CSMD1: variants seen among roughly 807,000 people sequenced by gnomAD.
CSMD1 encodes the protein CUB and sushi domain-containing protein 1.
In CSMD1, 213 loss-of-function variants were observed where a neutral mutation model predicts 417.5. That is an observed-to-expected ratio of 0.51 (90% CI 0.46 to 0.57). The LOEUF is 0.57. Among genes scored for constraint, CSMD1 ranks in the 20% least tolerant of loss-of-function variants. CSMD1 has a pLI of 0.00. For synonymous variants in CSMD1, 2,862 were observed against 1,736.8 expected (o/e 1.65, Z -16.11); for missense variants, 6,923 against 4,529.7 (o/e 1.53, Z -15.17).
intron 26 of CSMD1, among the ~76,000 whole-genome samples, chr8:3,270,590 C>A (rs978300079): frequency 6.6e-6 from 1 of 152,088 alleles, no homozygotes; most frequent in Non-Finnish European, 1.5e-5. Flanking sequence ...CTTAACAGGT[C>A]GACACAGATG....
intron 66 of CSMD1, 47 bp from the exon 67 acceptor site, chr8:2,950,390 A>T: frequency 8.8e-7 from 1 of 1,135,754 alleles, no homozygotes; most frequent in East Asian, 2.3e-5. Context: ...AAAGTTAGTA[A>T]TTCAGCCCTT....
intron 3 of CSMD1, among the ~76,000 whole-genome samples, chr8:4,233,125 C>G (rs1009628192): frequency 6.6e-5 from 10 of 152,158 alleles, no homozygotes; most frequent in African/African-American, 2.2e-4. Context: ...ATCACTTATC[C>G]ACAACGTTCC....
intron 2 of CSMD1, among the ~76,000 whole-genome samples, chr8:4,471,282 A>C (rs1800515015): frequency 6.6e-6 from 1 of 152,216 alleles, no homozygotes; most frequent in Non-Finnish European, 1.5e-5. Flanking sequence ...AATAAATTTC[A>C]CAACAAAGTC....
chr8:3,537,261 CCAAAGTGCTGGG>C (rs1798242368), intron 10 of CSMD1, among the ~76,000 whole-genome samples: 1 of 152,188 alleles, frequency 6.6e-6, no homozygotes, highest in Non-Finnish European at 1.5e-5. Flanking sequence ...CCTTGGCCTC[CCAAAGTGCTGGG>C]ATTACAGGCA....
chr8:3,925,483 G>C lies in CSMD1; in HGVS notation c.818+72420C>G, dbSNP rs987490467. ...CAAAAGATAACGTTCATAATGCTGG[G>C]TGGTAAGACACTGATGCGGTTTGGC... On this transcript the variant is annotated intron_variant, in intron 5 of 69. Transcript: ENST00000635120. Among the ~76,000 whole-genome samples, 31 of 152,298 alleles carry C rather than the reference G, an allele frequency of 2.0e-4. 1 individual carries two copies. The highest frequency in any genetic ancestry group is 3.9e-4 in the East Asian group (2 of 5,188).
At chr8:3,771,637 T>G (rs1020101665) in intron 5 of CSMD1, among the ~76,000 whole-genome samples, 5 of 152,026 alleles carry the variant, frequency 3.3e-5, no homozygotes, top group African/African-American at 9.7e-5. Context: ...CAGAAGCCAG[T>G]GCTGAATCAC....
chr8:3,411,637 C>A lies in CSMD1; in HGVS notation c.1562-2032G>T, dbSNP rs111583197. ...ATGCCATTAATTCATTCCTTATTAT[C>A]GTTCAGTAGTAGTCCATCATATATA... is the stretch of plus-strand genomic sequence containing the variant. On this transcript the variant is annotated intron_variant, in intron 12 of 69. Coordinates refer to ENST00000635120, the MANE Select transcript of CSMD1 (RefSeq NM_033225.6). 2.9e-3 allele frequency among the ~76,000 whole-genome samples: 385 copies of A among 133,076 alleles called. 13 individuals are homozygous for A. The highest frequency in any genetic ancestry group is 0.01 in the African/African-American group (364 of 35,860). 87.3% of individuals were successfully genotyped at this position (133,076 alleles called of 152,430 possible). A position where few individuals can be genotyped will look rare whatever the true frequency, so the allele number is the denominator to read the frequency against.
chr8:3,070,836 A>G (rs1462135265), intron 49 of CSMD1, among the ~76,000 whole-genome samples: 4 of 152,154 alleles, frequency 2.6e-5, no homozygotes, highest in African/African-American at 4.8e-5. Context: ...ACTCCTTGGT[A>G]CCAATTTTCT....
intron 1 of CSMD1, among the ~76,000 whole-genome samples, chr8:4,808,062 C>G (rs1798690317): frequency 6.6e-6 from 1 of 152,114 alleles, no homozygotes. Context: ...GTAAATAATA[C>G]TCGTGTGGGC....
At chr8:3,762,769 A>C (rs1798082392) in intron 5 of CSMD1, among the ~76,000 whole-genome samples, 2 of 152,134 alleles carry the variant, frequency 1.3e-5, no homozygotes, top group South Asian at 4.1e-4. Flanking sequence ...CCAGAGAGAG[A>C]AAGAGTTAAG....
At chr8:3,809,223 T>C (rs1800923685) in intron 5 of CSMD1, among the ~76,000 whole-genome samples, 1 of 152,108 alleles carries the variant, frequency 6.6e-6, no homozygotes, top group Admixed American at 6.6e-5. Flanking sequence ...TCCAGTTAAG[T>C]TTCACTTCAT....
At chr8:4,389,771 T>G (rs1009205702) in intron 3 of CSMD1, among the ~76,000 whole-genome samples, 68 of 152,298 alleles carry the variant, frequency 4.5e-4, no homozygotes, top group African/African-American at 1.6e-3. Context: ...CTTCTTTATT[T>G]TTGAAACCTA....
chr8:4,255,653 G>A (rs1209819480), intron 3 of CSMD1, among the ~76,000 whole-genome samples: 1 of 152,094 alleles, frequency 6.6e-6, no homozygotes, highest in Non-Finnish European at 1.5e-5. Context: ...ATTTATTTTG[G>A]ACTTTGCTAA....
intron 3 of CSMD1, among the ~76,000 whole-genome samples, chr8:4,394,310 G>C (rs185835723): frequency 6.6e-6 from 1 of 152,080 alleles, no homozygotes; most frequent in Non-Finnish European, 1.5e-5. Flanking sequence ...ACCCTCCTAT[G>C]TTTCAATAAT....
chr8:3,655,136 A>C lies in CSMD1; in HGVS notation c.1010-38339T>G, dbSNP rs145760370. ...CACATTAATTTTCCAAGCTTTAGCT[A>C]TAGAGCTAAATCTCTTGCTTTTGAC... On this transcript the variant is annotated intron_variant, in intron 7 of 69. Transcript: ENST00000635120. Among the ~76,000 whole-genome samples the C allele has an allele frequency of 4.1e-3, 628 of 152,340 alleles. 1 individual carries two copies. Among genetic ancestry groups the C allele is most frequent in the Non-Finnish European group, 6.5e-3 (441 of 68,032 alleles).
chr8:4,745,622 G>C (rs769140859), intron 1 of CSMD1, among the ~76,000 whole-genome samples: 1 of 152,030 alleles, frequency 6.6e-6, no homozygotes, highest in Non-Finnish European at 1.5e-5. Context: ...GAAGTAGAAT[G>C]TAGAGAGAGA....
chr8:4,075,591 T>C (rs1345060776), intron 3 of CSMD1, among the ~76,000 whole-genome samples: 1 of 152,202 alleles, frequency 6.6e-6, no homozygotes, highest in Non-Finnish European at 1.5e-5. Context: ...ATTTATTCCT[T>C]GTTCTGCATA....
At position 3,546,970 on chromosome 8, in the gene CSMD1, A is replaced by G. The variant is rs568432918; in HGVS notation, c.1344+27975T>C. ...TGAGCTGTTTTGAAAACCTCCTGGAAGAAGGGAAGAGCAAAACTGAACAGC... is the reference window on the plus strand; with the variant it reads ...TGAGCTGTTTTGAAAACCTCCTGGAGGAAGGGAAGAGCAAAACTGAACAGC... On this transcript the variant is annotated intron_variant, in intron 10 of 69. Transcript: ENST00000635120. Among the ~76,000 whole-genome samples the G allele has an allele frequency of 8.9e-4, 135 of 152,326 alleles. 5 individuals carry two copies. In the South Asian group the frequency reaches 0.025, roughly 28 times the overall value.
At chr8:3,496,331 G>T (rs983872839) in intron 10 of CSMD1, among the ~76,000 whole-genome samples, 4 of 152,114 alleles carry the variant, frequency 2.6e-5, no homozygotes, top group Admixed American at 2.6e-4. Flanking sequence ...TGTTCTGCCT[G>T]CCCTGCAGAG....
Sources: allele counts gnomAD v4.1 joint callset (sites outside exome capture counted in the v4.1 genomes callset), GRCh38; gene constraint gnomAD v4.1.1; transcripts MANE v1.5; gene names NCBI Gene and HGNC (gene_info 2026-07-23, HGNC 2026-07-21).